The following CDK17 variants were observed in gnomAD, a reference collection of about 807,000 sequenced individuals.
The protein encoded by CDK17 is cyclin-dependent kinase 17.
In CDK17, 24 loss-of-function variants were observed where a neutral mutation model predicts 77.6. That is an observed-to-expected ratio of 0.31 (90% confidence interval 0.22 to 0.44). CDK17 has a LOEUF of 0.44. Ranked by LOEUF, CDK17 falls within the 20% of genes least tolerant of loss-of-function variation. The pLI, the probability that CDK17 is intolerant of heterozygous loss-of-function variation, is 1.00. For synonymous variants in CDK17, 203 were observed against 210.4 expected (o/e 0.96, Z 0.30); for missense variants, 429 against 622.5 (o/e 0.69, Z 3.31).
At chr12:96,365,389 A>G (rs1290317282) in intron 1 of CDK17, among the ~76,000 whole-genome samples, 2 of 152,224 alleles carry the variant, frequency 1.3e-5, no homozygotes, top group African/African-American at 2.4e-5. Context: ...AGAAAACAAA[A>G]GCTCAAAACT....
Position 96,377,352 on chromosome 12 carries a change from T to C in CDK17, c.-30+22634A>G, listed in dbSNP as rs73366583. Among the ~76,000 whole-genome samples, 788 of 152,182 alleles carry C rather than the reference T, an allele frequency of 5.2e-3. 7 individuals carry two copies. The highest frequency in any genetic ancestry group is 0.017 in the African/African-American group (699 of 41,514). The stretch of plus-strand genomic sequence containing the variant: ...AAAAACATAATCTAAAATATACATA[T>C]TTGCAACCCACATCACAAATAAAGG... On this transcript the variant is annotated intron_variant, in intron 1 of 16. Transcript: ENST00000261211.
intron 1 of CDK17, among the ~76,000 whole-genome samples, chr12:96,387,919 G>T (rs575858935): frequency 6.6e-6 from 1 of 151,924 alleles, no homozygotes; most frequent in South Asian, 2.1e-4. Context: ...CTCCAGCCTG[G>T]GCAACAGAGT....
At chr12:96,387,531 G>A (rs573395157) in intron 1 of CDK17, among the ~76,000 whole-genome samples, 18 of 152,266 alleles carry the variant, frequency 1.2e-4, no homozygotes, top group African/African-American at 3.4e-4. Flanking sequence ...ATATATAATA[G>A]TAAACAATAA....
At chr12:96,328,146 T>C (rs1245231124) in intron 2 of CDK17, among the ~76,000 whole-genome samples, 1 of 152,106 alleles carries the variant, frequency 6.6e-6, no homozygotes, top group African/African-American at 2.4e-5. Context: ...CTAACGCTGT[T>C]GTGAACTGTG....
chr12:96,382,384 C>T (rs542449982), intron 1 of CDK17, among the ~76,000 whole-genome samples: 1 of 148,762 alleles, frequency 6.7e-6, no homozygotes, highest in East Asian at 2.0e-4. Context: ...TCCTACCAAC[C>T]AAAAAAAGTC....
At chr12:96,357,223 A>G (rs537217467) in intron 1 of CDK17, among the ~76,000 whole-genome samples, 2 of 151,862 alleles carry the variant, frequency 1.3e-5, no homozygotes, top group East Asian at 1.9e-4. Context: ...GCACTTTGGG[A>G]GGCTGAGGCA....
At chr12:96,341,448 A>C (rs1458317467) in intron 1 of CDK17, among the ~76,000 whole-genome samples, 1 of 152,204 alleles carries the variant, frequency 6.6e-6, no homozygotes, top group Admixed American at 6.5e-5. Context: ...AAACGGTAAA[A>C]GGGCAGTAAA....
In CDK17 at chr12:96,300,376, T is replaced by A. The variant is rs748523583; in HGVS notation, c.544-16A>T. On this transcript the variant is annotated splice_polypyrimidine_tract_variant and intron_variant, in intron 5 of 16. Transcript: ENST00000261211. ...CAATTTCTGACTGAAAAGTAAACAA[T>A]GAAAAATGTAGTATTTACTTTTTTT... The A allele has an allele frequency of 6.9e-7, 1 of 1,459,770 alleles. No individual in the cohort carries two copies. The allele number at this position is 1,459,770 out of a possible 1,614,324, so 90.4% of individuals were successfully genotyped here.
chr12:96,392,504 G>GA (rs1954085339), intron 1 of CDK17, among the ~76,000 whole-genome samples: 1 of 152,240 alleles, frequency 6.6e-6, no homozygotes, highest in Non-Finnish European at 1.5e-5. Context: ...AGTGACACAG[G>GA]AAAAAATAAA....
rs994271911 is a variant in CDK17, at chr12:96,279,029, A to C, written c.*1213T>G. 4 of 152,604 alleles carry C rather than the reference A, an allele frequency of 2.6e-5. No individual in the cohort carries two copies. The highest frequency in any genetic ancestry group is 4.4e-5 in the Non-Finnish European group (3 of 67,986). The allele number at this position is 152,604 out of a possible 1,614,324, so 9.5% of individuals were successfully genotyped here. On this transcript the variant is annotated 3_prime_UTR_variant, in exon 17 of 17. Transcript: ENST00000261211. ...AGGCAAAAATTTACACGACCATTTC[A>C]AAATATACCAATTAAGATTTATAGT...
rs144440152 is a variant in CDK17, at chr12:96,286,071, G to A, written c.1294C>T (p.Pro432Ser). The A allele has an allele frequency of 1.9e-4, 299 of 1,563,146 alleles. No individual in the cohort carries two copies. In the African/African-American group the frequency reaches 3.5e-3, roughly 18 times the overall value. ...GGTGCGTGGTTAATTAGAGGCTGTG[G>A]TTTATATTTTGGAAAGTTGTAGTTC... is the stretch of plus-strand genomic sequence containing the variant. ...FKNYNFPKYK[P>S]QPLINHAPRL... The change falls in exon 13 of 17, where the codon CCA becomes TCA. Residue 432 changes from proline to serine, a missense_variant. Coordinates refer to ENST00000261211, the MANE Select transcript of CDK17 (RefSeq NM_002595.5).
At chr12:96,397,434 G>A (rs1332099289) in intron 1 of CDK17, among the ~76,000 whole-genome samples, 1 of 151,994 alleles carries the variant, frequency 6.6e-6, no homozygotes, top group African/African-American at 2.4e-5. Context: ...GGTAACCAGA[G>A]TACATATGAC....
At chr12:96,358,932 C>CGT (rs1252807902) in intron 1 of CDK17, among the ~76,000 whole-genome samples, 1 of 144,600 alleles carries the variant, frequency 6.9e-6, no homozygotes, top group Non-Finnish European at 1.5e-5. Flanking sequence ...ACTAGGTAAC[C>CGT]GTATATTCTC....
intron 3 of CDK17, among the ~76,000 whole-genome samples, chr12:96,314,621 G>A (rs772439965): frequency 1.3e-5 from 2 of 152,122 alleles, no homozygotes; most frequent in Non-Finnish European, 2.9e-5. Flanking sequence ...TGGCCAAGTT[G>A]TATACTCATA....
At chr12:96,310,500 G>A (rs931307097) in intron 5 of CDK17, among the ~76,000 whole-genome samples, 4 of 151,960 alleles carry the variant, frequency 2.6e-5, no homozygotes, top group African/African-American at 9.7e-5. Context: ...TCAGAACAAT[G>A]TCACACATAT....
chr12:96,382,167 C>T (rs1047792932), intron 1 of CDK17, among the ~76,000 whole-genome samples: 5 of 151,728 alleles, frequency 3.3e-5, no homozygotes, highest in Admixed American at 2.6e-4. Flanking sequence ...GTCACAGCAC[C>T]GATTTAAAAT....
intron 3 of CDK17, among the ~76,000 whole-genome samples, chr12:96,315,963 C>A (rs563477494): frequency 1.3e-5 from 2 of 152,058 alleles, no homozygotes; most frequent in Non-Finnish European, 2.9e-5. Context: ...CCAAGATGGC[C>A]GAATAGGAAC....
chr12:96,394,915 C>T (rs898651719), intron 1 of CDK17, among the ~76,000 whole-genome samples: 2 of 147,064 alleles, frequency 1.4e-5, no homozygotes, highest in Non-Finnish European at 3.0e-5. Context: ...CTTGCTCTGT[C>T]GCCAGGCTAG....
chr12:96,320,578 CA>C (rs1952802389), intron 3 of CDK17, among the ~76,000 whole-genome samples: 2 of 150,118 alleles, frequency 1.3e-5, no homozygotes, highest in African/African-American at 4.9e-5. Context: ...CTACAGTAAC[CA>C]AAACAGCATG....
Sources: gnomAD v4.1 joint callset for allele counts (sites outside exome capture counted in the v4.1 genomes callset) on GRCh38, gnomAD v4.1.1 for gene constraint, MANE v1.5 for transcripts, NCBI Gene and HGNC (gene_info 2026-07-23, HGNC 2026-07-21) for gene names.